USP34: variants seen among roughly 807,000 people sequenced by gnomAD.
USP34 encodes the protein ubiquitin specific peptidase 34, also known as ubiquitin carboxyl-terminal hydrolase 34.
Under a neutral mutation model 460.3 loss-of-function variants are expected in USP34, and 70 were observed. The ratio of observed to expected loss-of-function variants is 0.15; its 90% confidence interval spans 0.13 to 0.19. USP34 has a LOEUF of 0.19. USP34 is among the 10% of genes least tolerant of loss of function. USP34 has a pLI of 1.00. For missense variants in USP34, 3,985 were observed against 4,236.2 expected, an observed-to-expected ratio of 0.94 and a Z score of 1.65; for synonymous variants, 1,647 against 1,405.3, an observed-to-expected ratio of 1.17 and a Z score of -3.85.
intron 1 of USP34, among the ~76,000 whole-genome samples, chr2:61,449,826 G>A (rs1009586257): frequency 6.6e-6 from 1 of 152,196 alleles, no homozygotes. Flanking sequence ...CCAGCACTTT[G>A]GGAGGCTGAG....
intron 10 of USP34, among the ~76,000 whole-genome samples, chr2:61,355,393 A>C (rs1692072008): frequency 6.6e-6 from 1 of 152,256 alleles, no homozygotes; most frequent in Non-Finnish European, 1.5e-5. Context: ...AATAATTATT[A>C]ACCTGCCTTA....
chr2:61,432,064 G>C (rs2463100), intron 1 of USP34, among the ~76,000 whole-genome samples: 51,588 of 151,746 alleles, frequency 0.34, 9,063 homozygotes, highest in Admixed American at 0.4. Flanking sequence ...ACCATGGCCA[G>C]GGGTAGCAGC....
chr2:61,196,069 ATTTTT>A (rs71403398), intron 75 of USP34, among the ~76,000 whole-genome samples: 84 of 41,562 alleles, frequency 2.0e-3, no homozygotes, highest in African/African-American at 7.2e-3. Context: ...ACCATGCACG[ATTTTT>A]TTTTTTTTTT....
intron 8 of USP34, among the ~76,000 whole-genome samples, chr2:61,377,205 T>C (rs1171964241): frequency 1.3e-5 from 2 of 152,190 alleles, no homozygotes; most frequent in Non-Finnish European, 2.9e-5. Context: ...AGACAGTCTC[T>C]GGTTTCCAAA....
At chr2:61,418,571 G>A (rs1053002840) in intron 2 of USP34, among the ~76,000 whole-genome samples, 8 of 152,038 alleles carry the variant, frequency 5.3e-5, no homozygotes, top group African/African-American at 1.2e-4. Flanking sequence ...CTTGGTCCAC[G>A]GGCCCCAAGT....
chr2:61,449,800 G>C (rs1342408645), intron 1 of USP34, among the ~76,000 whole-genome samples: 1 of 149,702 alleles, frequency 6.7e-6, no homozygotes, highest in Non-Finnish European at 1.5e-5. Flanking sequence ...CGGCGCGGTG[G>C]CTCACGCCTG....
At chr2:61,297,775 T>C (rs1375677142) in intron 29 of USP34, among the ~76,000 whole-genome samples, 1 of 152,136 alleles carries the variant, frequency 6.6e-6, no homozygotes, top group Non-Finnish European at 1.5e-5. Flanking sequence ...GGAGTTTCGC[T>C]CTTGTAGCCC....
At position 61,300,580 on chromosome 2, in the gene USP34, G is replaced by C. The variant is rs377593536; in HGVS notation, c.4128+371C>G. Among the ~76,000 whole-genome samples the C allele has an allele frequency of 2.6e-3, 391 of 151,012 alleles. 1 individual carries two copies. Among genetic ancestry groups the C allele is most frequent in the African/African-American group, 9.3e-3 (384 of 41,258 alleles). On this transcript the variant is annotated intron_variant, in intron 29 of 79. Transcript: ENST00000398571. ...TGGGAGGCTGACATGGGTGGATCAT[G>C]AGGTCAGGAGTTCAAGACCAGCCTG...
Position 61,214,378 on chromosome 2 carries a change from A to G in USP34, c.8364T>C (p.Ser2788=), listed in dbSNP as rs774447439. The part of the protein sequence containing the change: ...DLWNLFQPKL[S]EPAIATNHNK... ...TGTGATTTGTAGCTATTGCTGGCTCAGAAAGTTTAGGCTGGAAAAGGTTCC... is the reference window on the plus strand; with the variant it reads ...TGTGATTTGTAGCTATTGCTGGCTCGGAAAGTTTAGGCTGGAAAAGGTTCC... Residue 2788 remains serine (S), a synonymous_variant, in exon 68 of 80, where the codon TCT becomes TCC. Coordinates refer to ENST00000398571, the MANE Select transcript of USP34 (RefSeq NM_014709.4). The G allele has an allele frequency of 6.2e-7, 1 of 1,614,098 alleles. No individual in the cohort carries two copies.
chr2:61,322,695 A>G (rs1180164956), intron 21 of USP34, among the ~76,000 whole-genome samples: 4 of 152,204 alleles, frequency 2.6e-5, no homozygotes, highest in Admixed American at 2.0e-4. Context: ...GTATCAGTCT[A>G]AAGAGTTTTA....
At position 61,296,903 on chromosome 2, in the gene USP34, T is replaced by C. The variant is rs1411336381; in HGVS notation, c.4151A>G (p.His1384Arg). The C allele has an allele frequency of 6.2e-7, 1 of 1,613,032 alleles. No individual in the cohort carries two copies. Among genetic ancestry groups the C allele is most frequent in the African/African-American group, 1.3e-5 (1 of 74,726 alleles). Reference sequence around the variant, plus strand: ...CCTAGACAGATTTTCTGCATGAAGATGAAGTTCTTCACATCGTAAGCTCTA... The same window carrying C: ...CCTAGACAGATTTTCTGCATGAAGACGAAGTTCTTCACATCGTAAGCTCTA... Reference protein sequence around the residue: ...DSESLRCEELHLHAENLSRRV... With the variant: ...DSESLRCEELRLHAENLSRRV... The change falls in exon 30 of 80, where the codon CAT (histidine) becomes CGT (arginine). Residue 1384 changes from histidine to arginine, a missense_variant. Transcript: ENST00000398571.
chr2:61,444,688 C>T (rs1295731870), intron 1 of USP34, among the ~76,000 whole-genome samples: 2 of 151,978 alleles, frequency 1.3e-5, no homozygotes, highest in African/African-American at 4.8e-5. Flanking sequence ...GGTGGGAGGG[C>T]CAGCTTTTTC....
chr2:61,363,385 A>T (rs1490857062), intron 10 of USP34, among the ~76,000 whole-genome samples: 1 of 152,198 alleles, frequency 6.6e-6, no homozygotes, highest in Non-Finnish European at 1.5e-5. Context: ...GCTTCAGGAT[A>T]GGGATACGTT....
chr2:61,397,195 C>G (rs1020939654), intron 3 of USP34, among the ~76,000 whole-genome samples: 2 of 152,120 alleles, frequency 1.3e-5, no homozygotes, highest in Non-Finnish European at 1.5e-5. Context: ...GTAATCCCAG[C>G]ACTTTGGGAG....
chr2:61,437,711 T>C (rs533501781), intron 1 of USP34, among the ~76,000 whole-genome samples: 1 of 151,862 alleles, frequency 6.6e-6, no homozygotes, highest in African/African-American at 2.4e-5. Flanking sequence ...AGGCGGAGCT[T>C]GCAGTGAGCC....
In USP34 at chr2:61,398,613, G is replaced by A. The variant is rs1161393117; in HGVS notation, c.553-3380C>T. On this transcript the variant is annotated intron_variant, in intron 3 of 79. Transcript: ENST00000398571. ...GAGAAAGGGGAGGGAGAAAAGGGAA[G>A]GAGAAAGAGGGAGGAGAGAGAAAAT... is the stretch of plus-strand genomic sequence containing the variant. 2.0e-5 allele frequency among the ~76,000 whole-genome samples: 3 copies of A among 150,394 alleles called. No homozygotes were observed. In the East Asian group the frequency reaches 5.9e-4, roughly 30 times the overall value.
intron 1 of USP34, among the ~76,000 whole-genome samples, chr2:61,435,307 C>CA (rs59158283): frequency 0.012 from 494 of 40,834 alleles, 20 homozygotes; most frequent in African/African-American, 0.016. Flanking sequence ...GACCTTGTTT[C>CA]AAAAAAAAAA....
At chr2:61,288,291 T>C (rs527846622) in intron 34 of USP34, among the ~76,000 whole-genome samples, 3 of 152,342 alleles carry the variant, frequency 2.0e-5, no homozygotes, top group East Asian at 3.9e-4. Flanking sequence ...GCTCCTTATC[T>C]GGCTTACCTC....
intron 1 of USP34, among the ~76,000 whole-genome samples, chr2:61,452,264 T>C (rs1476618273): frequency 2.7e-5 from 4 of 150,698 alleles, no homozygotes; most frequent in Non-Finnish European, 4.4e-5. Flanking sequence ...CTACTTGCCA[T>C]TAAAACTCAA....
Sources: gnomAD v4.1 joint callset for allele counts (sites outside exome capture counted in the v4.1 genomes callset) on GRCh38, gnomAD v4.1.1 for gene constraint, MANE v1.5 for transcripts, NCBI Gene and HGNC (gene_info 2026-07-23, HGNC 2026-07-21) for gene names.